Variants in DPP10 observed in about 807,000 individuals in gnomAD.
DPP10 encodes dipeptidyl peptidase like 10, also known as inactive dipeptidyl peptidase 10.
A neutral mutation model predicts 120.9 loss-of-function variants in DPP10; 33 were observed. That is an observed-to-expected ratio of 0.27 (90% CI 0.21 to 0.37). DPP10 has a LOEUF of 0.37. Among genes scored for constraint, DPP10 ranks in the 10% least tolerant of loss-of-function variants. The pLI is 1.00. For synonymous variants in DPP10, 337 were observed against 326.1 expected (o/e 1.03, Z -0.36); for missense variants, 816 against 942.8 (o/e 0.87, Z 1.76).
intron 1 of DPP10, among the ~76,000 whole-genome samples, chr2:115,150,174 C>G (rs887260318): frequency 3.3e-5 from 5 of 152,210 alleles, no homozygotes; most frequent in African/African-American, 1.2e-4. Flanking sequence ...AGGATTCCCA[C>G]AAGCCCTATG....
chr2:115,645,886 A>G (rs1266046110), intron 5 of DPP10, among the ~76,000 whole-genome samples: 4 of 152,230 alleles, frequency 2.6e-5, no homozygotes, highest in Non-Finnish European at 4.4e-5. Flanking sequence ...AAGCATTTAT[A>G]TCATGATGAC....
chr2:115,484,199 C>G (rs1045177108), intron 3 of DPP10, among the ~76,000 whole-genome samples: 1 of 151,724 alleles, frequency 6.6e-6, no homozygotes, highest in African/African-American at 2.4e-5. Flanking sequence ...GTCAATTTTC[C>G]TGTACTTACC....
intron 1 of DPP10, among the ~76,000 whole-genome samples, chr2:114,777,035 T>C (rs771944892): frequency 2.0e-5 from 3 of 152,166 alleles, no homozygotes; most frequent in Non-Finnish European, 4.4e-5. Context: ...ATATAATATA[T>C]ACATTATATA....
intron 1 of DPP10, among the ~76,000 whole-genome samples, chr2:114,519,037 G>A (rs907309128): frequency 1.3e-5 from 2 of 152,164 alleles, no homozygotes; most frequent in Admixed American, 6.5e-5. Flanking sequence ...AGAGATCGAA[G>A]GCCTACTGTC....
chr2:114,688,156 T>C (rs1699492834), intron 1 of DPP10, among the ~76,000 whole-genome samples: 2 of 151,962 alleles, frequency 1.3e-5, no homozygotes, highest in Admixed American at 6.6e-5. Flanking sequence ...TATTTATTAA[T>C]TCACTTTGAT....
chr2:114,819,199 A>T (rs556753463), intron 1 of DPP10, among the ~76,000 whole-genome samples: 1 of 150,510 alleles, frequency 6.6e-6, no homozygotes, highest in Non-Finnish European at 1.5e-5. Flanking sequence ...GGAACTTACT[A>T]AGCTTTTTTT....
At chr2:115,001,752 G>C (rs904737439) in intron 1 of DPP10, among the ~76,000 whole-genome samples, 3 of 152,074 alleles carry the variant, frequency 2.0e-5, no homozygotes, top group Admixed American at 6.6e-5. Context: ...CAAGCTGAGA[G>C]CCAAGTCAAG....
intron 1 of DPP10, among the ~76,000 whole-genome samples, chr2:115,104,083 A>T (rs1296377731): frequency 6.6e-6 from 1 of 151,780 alleles, no homozygotes; most frequent in Non-Finnish European, 1.5e-5. Flanking sequence ...AGTTTGTATT[A>T]AGTATTTATA....
intron 1 of DPP10, among the ~76,000 whole-genome samples, chr2:114,629,197 A>ATTACT (rs70937293): frequency 0.29 from 44,381 of 151,776 alleles, 8,061 homozygotes; most frequent in African/African-American, 0.53. Context: ...AATTGCTATC[A>ATTACT]TTAATTTTCC....
At chr2:115,786,188 C>T (rs1365175628) in intron 17 of DPP10, among the ~76,000 whole-genome samples, 1 of 152,068 alleles carries the variant, frequency 6.6e-6, no homozygotes, top group Non-Finnish European at 1.5e-5. Context: ...TAAAAGTGCA[C>T]ACAGTTCAGG....
intron 5 of DPP10, among the ~76,000 whole-genome samples, chr2:115,533,949 T>C (rs1421029344): frequency 6.6e-6 from 1 of 151,912 alleles, no homozygotes; most frequent in African/African-American, 2.4e-5. Context: ...AGGCAAAAAT[T>C]GAAAAGTCCC....
intron 4 of DPP10, among the ~76,000 whole-genome samples, chr2:115,524,368 G>T (rs2078002316): frequency 6.6e-6 from 1 of 152,096 alleles, no homozygotes; most frequent in African/African-American, 2.4e-5. Flanking sequence ...ATGAGTAGCA[G>T]TTTATTGTAG....
At chr2:114,683,120 C>T (rs901585960) in intron 1 of DPP10, among the ~76,000 whole-genome samples, 7 of 151,896 alleles carry the variant, frequency 4.6e-5, no homozygotes, top group Non-Finnish European at 1.0e-4. Flanking sequence ...TTCCTTGAAT[C>T]GTCTTGGCCA....
At chr2:114,872,888 G>T (rs758607040) in intron 1 of DPP10, among the ~76,000 whole-genome samples, 1 of 152,086 alleles carries the variant, frequency 6.6e-6, no homozygotes, top group Admixed American at 6.5e-5. Flanking sequence ...TAAATTACAC[G>T]TTCATTACAA....
chr2:115,473,662 TA>T lies in DPP10; in HGVS notation c.272-25845del, dbSNP rs1439570721. On this transcript the variant is annotated intron_variant, in intron 3 of 25. Coordinates refer to ENST00000410059, the MANE Select transcript of DPP10 (RefSeq NM_020868.6). ...CTGCCATGGAGAATATGTAGGAGCA[TA>T]AAGGCTGCTGTTTTATGTAACACTC... Among the ~76,000 whole-genome samples the T allele has an allele frequency of 3.3e-5, 5 of 152,318 alleles. No individual in the cohort carries two copies. The South Asian group carries it at 1.0e-3, about 32-fold the overall frequency.
intron 1 of DPP10, chr2:115,162,344 A>G: frequency 2.1e-6 from 3 of 1,434,950 alleles, no homozygotes; most frequent in Non-Finnish European, 2.8e-6. Flanking sequence ...GCCGGGACCA[A>G]GGAATGGGGC....
intron 1 of DPP10, among the ~76,000 whole-genome samples, chr2:114,475,010 G>A (rs940943490): frequency 6.6e-6 from 1 of 152,172 alleles, no homozygotes; most frequent in African/African-American, 2.4e-5. Flanking sequence ...GAAGCAATCT[G>A]GTCAGCTTGA....
chr2:115,279,620 A>G (rs376428008), intron 1 of DPP10, among the ~76,000 whole-genome samples: 8 of 59,998 alleles, frequency 1.3e-4, no homozygotes, highest in Middle Eastern at 0.01. Flanking sequence ...TTTTTCTTTT[A>G]TCTTTTTTCT....
intron 1 of DPP10, among the ~76,000 whole-genome samples, chr2:114,614,919 C>T (rs1316977734): frequency 6.6e-6 from 1 of 152,124 alleles, no homozygotes; most frequent in Admixed American, 6.6e-5. Context: ...AATAAACCAC[C>T]AGATTGACAG....
Sources: gnomAD v4.1 joint callset for allele counts (sites outside exome capture counted in the v4.1 genomes callset) on GRCh38, gnomAD v4.1.1 for gene constraint, MANE v1.5 for transcripts, NCBI Gene and HGNC (gene_info 2026-07-23, HGNC 2026-07-21) for gene names.